The following TATDN2 variants were observed in gnomAD, a reference collection of about 807,000 sequenced individuals.
The protein encoded by TATDN2 is 3'-5' RNA nuclease TATDN2.
TATDN2 carries 44 observed loss-of-function variants against 60.3 expected under a neutral mutation model. The ratio of observed to expected loss-of-function variants is 0.73; its 90% CI spans 0.57 to 0.94. TATDN2 has a LOEUF of 0.94. TATDN2 is among the 40% of genes least tolerant of loss of function. TATDN2 has a pLI of 0.00. For synonymous variants in TATDN2, 399 were observed against 355.8 expected (o/e 1.12, Z -1.37); for missense variants, 997 against 948.0 (o/e 1.05, Z -0.68).
In TATDN2 at chr3:10,260,333, G is replaced by A; in HGVS notation, c.611G>A (p.Gly204Glu). ...ILGKSMPKRK[G>E]EAATRAKPSA... The stretch of plus-strand genomic sequence containing the variant: ...GGGAAATCGATGCCAAAAAGGAAGG[G>A]AGAGGCTGCCACTCGGGCAAAACCA... Residue 204 changes from glycine (G) to glutamate (E), a missense_variant, in exon 3 of 8, where the codon GGA becomes GAA. Transcript: ENST00000448281. 6.2e-7 allele frequency: 1 copy of A among 1,614,154 alleles called. No homozygotes were observed. The highest frequency in any genetic ancestry group is 8.5e-7 in the Non-Finnish European group (1 of 1,180,022).
chr3:10,253,994 G>A (rs1698266949), intron 2 of TATDN2, among the ~76,000 whole-genome samples: 1 of 152,222 alleles, frequency 6.6e-6, no homozygotes, highest in African/African-American at 2.4e-5. Flanking sequence ...AGACGAAGGT[G>A]CCAGGGTCCC....
At position 10,279,955 on chromosome 3, in the gene TATDN2, G is replaced by T. The variant is rs1444764467; in HGVS notation, c.*773G>T. 1 of 153,774 alleles carries T rather than the reference G, an allele frequency of 6.5e-6. No homozygotes were observed. The highest frequency in any genetic ancestry group is 2.1e-4 in the South Asian group (1 of 4,818). 9.5% of individuals were successfully genotyped at this position (153,774 alleles called of 1,614,324 possible). On this transcript the variant is annotated 3_prime_UTR_variant, in exon 8 of 8. Coordinates refer to ENST00000448281, the MANE Select transcript of TATDN2 (RefSeq NM_014760.4). ...ACTTCCTCCTCACTGATGCCCTCAG[G>T]GCTGCTGTGTGGGTGTGTTAAGCTG...
chr3:10,253,182 T>C (rs1698256708), intron 2 of TATDN2, among the ~76,000 whole-genome samples: 1 of 151,964 alleles, frequency 6.6e-6, no homozygotes, highest in Admixed American at 6.6e-5. Flanking sequence ...TTGTGTTTTG[T>C]AAAGACAAGA....
rs1254439581 is a variant in TATDN2, at chr3:10,280,115, C to A, written c.*933C>A. 6.5e-6 allele frequency: 1 copy of A among 153,774 alleles called. No individual in the cohort carries two copies. Among genetic ancestry groups the A allele is most frequent in the African/African-American group, 2.4e-5 (1 of 41,448 alleles). The allele number at this position is 153,774 out of a possible 1,614,324, so 9.5% of individuals were successfully genotyped here. On this transcript the variant is annotated 3_prime_UTR_variant, in exon 8 of 8. Transcript: ENST00000448281. ...TCCTCATTTCATCTTGTGTACAGTC[C>A]TTTGTGTACCCCGCCCAGGTTGAGA... is the stretch of plus-strand genomic sequence containing the variant.
At position 10,278,290 on chromosome 3, in the gene TATDN2, C is replaced by T; in HGVS notation, c.1973C>T (p.Thr658Ile). 6.2e-7 allele frequency: 1 copy of T among 1,613,654 alleles called. No homozygotes were observed. The highest frequency in any genetic ancestry group is 8.5e-7 in the Non-Finnish European group (1 of 1,179,756). The change falls in exon 6 of 8, where the codon ACC (threonine) becomes ATC (isoleucine). Residue 658 changes from threonine to isoleucine, a missense_variant. Thr to Ile is a moderately conservative substitution (Grantham distance 89). Transcript: ENST00000448281. The surrounding 1 kb of genome is among the most constrained non-coding windows in gnomAD (Gnocchi z 4.7). ...AGTTCTGTCTCCAGGCATTGCTTCA[C>T]CGGCAGCTACCCGGTCATTGAGCCC... ...PDYKIHRHCF[T>I]GSYPVIEPLL...
chr3:10,278,465 A>G lies in TATDN2; in HGVS notation c.2145+3A>G, dbSNP rs759972872. ...CTCCCTATTTCCTCCCTCGCCAGGT[A>G]AGGGGGTCTTCAGGCTGAGTGGAGG... On this transcript the variant is annotated splice_donor_region_variant and intron_variant, in intron 6 of 7. Transcript: ENST00000448281. The surrounding 1 kb of genome is among the most constrained non-coding windows in gnomAD (Gnocchi z 4.7). The G allele has an allele frequency of 6.2e-6, 10 of 1,609,352 alleles. No homozygotes were observed. The highest frequency in any genetic ancestry group is 1.1e-5 in the South Asian group (1 of 90,928).
At chr3:10,274,175 A>G (rs1045967906) in intron 4 of TATDN2, among the ~76,000 whole-genome samples, 4 of 152,160 alleles carry the variant, frequency 2.6e-5, no homozygotes, top group Admixed American at 1.3e-4. Flanking sequence ...AAATGCTGCA[A>G]ATAGCTCCTG....
Position 10,249,633 on chromosome 3 carries a change from T to C in TATDN2, c.414+19T>C. The C allele has an allele frequency of 6.7e-7, 1 of 1,501,370 alleles. No individual in the cohort carries two copies. The highest frequency in any genetic ancestry group is 1.4e-5 in the African/African-American group (1 of 70,834). The allele number at this position is 1,501,370 out of a possible 1,614,324, so 93.0% of individuals were successfully genotyped here. A position where few individuals can be genotyped will look rare whatever the true frequency, so the allele number is the denominator to read the frequency against. On this transcript the variant is annotated intron_variant, in intron 2 of 7. Transcript: ENST00000448281. ...CCTTAAGGTAGGTGGCTGCCACGCT[T>C]TGCAATCGGTGAAGCCCCTTCCACA... is the stretch of plus-strand genomic sequence containing the variant.
Position 10,249,100 on chromosome 3 carries a change from T to G in TATDN2, c.-7+33T>G, listed in dbSNP as rs79908478. On this transcript the variant is annotated intron_variant, in intron 1 of 7. Transcript: ENST00000448281. ...AGGCTAGCCCCTGGCTCTGCCCTTATGTCTTGCCGTCCTCCTGGGCCCGGG... is the reference window on the plus strand; with the variant it reads ...AGGCTAGCCCCTGGCTCTGCCCTTAGGTCTTGCCGTCCTCCTGGGCCCGGG... 8,204 of 1,417,410 alleles carry G rather than the reference T, an allele frequency of 5.8e-3. 62 individuals are homozygous for G. Among genetic ancestry groups the G allele is most frequent in the African/African-American group, 0.031 (2,174 of 69,208 alleles). The allele number at this position is 1,417,410 out of a possible 1,614,324, so 87.8% of individuals were successfully genotyped here.
At chr3:10,262,282 C>T (rs1244121210) in intron 3 of TATDN2, among the ~76,000 whole-genome samples, 1 of 152,196 alleles carries the variant, frequency 6.6e-6, no homozygotes, top group Non-Finnish European at 1.5e-5. Flanking sequence ...ATTGAGTCTT[C>T]TGCTACCTAT....
At chr3:10,266,716 A>G (rs1343538997) in intron 3 of TATDN2, among the ~76,000 whole-genome samples, 2 of 152,322 alleles carry the variant, frequency 1.3e-5, no homozygotes, top group East Asian at 3.9e-4. Context: ...CCTTATTTAC[A>G]CCATCAGGCA....
At chr3:10,253,475 C>A (rs1698260230) in intron 2 of TATDN2, among the ~76,000 whole-genome samples, 1 of 152,208 alleles carries the variant, frequency 6.6e-6, no homozygotes, top group Non-Finnish European at 1.5e-5. Flanking sequence ...TCCCTTCTTA[C>A]CTCCAGGACA....
chr3:10,255,721 C>G (rs894496876), intron 2 of TATDN2, among the ~76,000 whole-genome samples: 4 of 152,152 alleles, frequency 2.6e-5, no homozygotes, highest in African/African-American at 7.2e-5. Context: ...GTGGGCTGAT[C>G]ACTTGAGGCT....
intron 3 of TATDN2, among the ~76,000 whole-genome samples, chr3:10,266,922 T>C (rs1170886048): frequency 1.4e-5 from 2 of 142,008 alleles, no homozygotes; most frequent in African/African-American, 5.1e-5. Flanking sequence ...TTAAACTAAC[T>C]AAGGCAGTCT....
chr3:10,249,710 T>G, intron 2 of TATDN2, 96 bp downstream of exon 2: 1 of 1,348,040 alleles, frequency 7.4e-7, no homozygotes, highest in Non-Finnish European at 9.7e-7. Context: ...CTACAAAACA[T>G]TACATCCTTG....
rs761289817 is a variant in TATDN2 at position 10,278,856 on chromosome 3, T to C, written c.2146-29T>C. The C allele has an allele frequency of 6.2e-7, 1 of 1,613,960 alleles. No individual in the cohort carries two copies. Among genetic ancestry groups the C allele is most frequent in the Admixed American group, 1.7e-5 (1 of 59,984 alleles). Reference sequence around the variant, plus strand: ...TTATGACTGTGCACACATGGCACAATGATGTTATGACCACTTGATGTCTTC... The same window carrying C: ...TTATGACTGTGCACACATGGCACAACGATGTTATGACCACTTGATGTCTTC... On this transcript the variant is annotated intron_variant, in intron 6 of 7. Transcript: ENST00000448281. This position sits in a 1 kb window ranked among gnomAD's most constrained non-coding sequence, Gnocchi z 4.7.
Position 10,260,484 on chromosome 3 carries a change from A to C in TATDN2, c.762A>C (p.Pro254=). The C allele has an allele frequency of 6.2e-7, 1 of 1,614,064 alleles. No individual in the cohort carries two copies. ...TAAQKEKDAT[P]EVSMEEDKTV... is the part of the protein sequence containing the mutation. ...CTCAGAAGGAGAAAGACGCAACCCCAGAGGTCAGCATGGAGGAGGATAAGA... is the reference window on the plus strand; with the variant it reads ...CTCAGAAGGAGAAAGACGCAACCCCCGAGGTCAGCATGGAGGAGGATAAGA... Residue 254 remains proline, a synonymous_variant, in exon 3 of 8, where the codon CCA becomes CCC. Transcript: ENST00000448281.
chr3:10,271,765 C>T (rs1287045199), intron 4 of TATDN2, among the ~76,000 whole-genome samples: 3 of 151,972 alleles, frequency 2.0e-5, no homozygotes, highest in African/African-American at 4.8e-5. Context: ...GGCTGGAGGG[C>T]AGTGGCACGA....
chr3:10,260,762 A>T, intron 3 of TATDN2, 92 bp downstream of exon 3: 1 of 1,436,124 alleles, frequency 7.0e-7, no homozygotes, highest in Non-Finnish European at 9.4e-7. Context: ...GTTACTAATT[A>T]AAAATAGTAC....
Sources: allele counts gnomAD v4.1 joint callset (sites outside exome capture counted in the v4.1 genomes callset), GRCh38; gene constraint gnomAD v4.1.1; non-coding constraint Gnocchi (gnomAD v3.1); transcripts MANE v1.5; gene names NCBI Gene and HGNC (gene_info 2026-07-23, HGNC 2026-07-21).